SRGAP3: variants seen among roughly 807,000 people sequenced by gnomAD.
SRGAP3 encodes SLIT-ROBO Rho GTPase activating protein 3, also known as SLIT-ROBO Rho GTPase-activating protein 3.
In SRGAP3, 39 loss-of-function variants were observed where a neutral mutation model predicts 121.1. That is an observed-to-expected ratio of 0.32 (90% CI 0.25 to 0.42). The LOEUF (loss-of-function observed/expected upper bound fraction) is 0.42, where lower values mean the gene tolerates loss of function less well. Among genes scored for constraint, SRGAP3 ranks in the 10% least tolerant of loss-of-function variants. The probability of loss-of-function intolerance (pLI) is 1.00; values close to 1 mark genes in which losing one functional copy is unlikely to be tolerated. For missense variants in SRGAP3, 1,213 were observed against 1,470.6 expected, an observed-to-expected ratio of 0.82 and a Z score of 2.86; for synonymous variants, 601 against 570.0, an observed-to-expected ratio of 1.05 and a Z score of -0.77.
chr3:9,025,365 A>C, intron 13 of SRGAP3, 27 bp from the exon 14 acceptor site: 1 of 1,612,228 alleles, frequency 6.2e-7, no homozygotes, highest in Non-Finnish European at 8.5e-7. Flanking sequence ...CAGAAAAAGA[A>C]ATAGTAAATC....
intron 4 of SRGAP3, among the ~76,000 whole-genome samples, chr3:9,077,174 G>A (rs1377355920): frequency 7.4e-6 from 1 of 135,704 alleles, no homozygotes; most frequent in Non-Finnish European, 1.5e-5. Flanking sequence ...TTATCTCTCT[G>A]CCCAGATTCC....
chr3:9,268,445 G>A (rs879783086), intron 3 of SRGAP3, among the ~76,000 whole-genome samples: 19 of 152,012 alleles, frequency 1.2e-4, no homozygotes, highest in African/African-American at 3.1e-4. Context: ...TCTAAATTCC[G>A]ACTGAGAGGC....
intron 1 of SRGAP3, among the ~76,000 whole-genome samples, chr3:9,211,665 CT>C (rs1193329370): frequency 0.32 from 39,072 of 121,124 alleles, 5,001 homozygotes; most frequent in Middle Eastern, 0.4. Context: ...TCTTTCTTTT[CT>C]TTTTTTTTTT....
intron 19 of SRGAP3, chr3:8,993,939 C>A: frequency 4.4e-6 from 1 of 227,822 alleles, no homozygotes; most frequent in Non-Finnish European, 8.8e-6. Flanking sequence ...CCCTATTAAT[C>A]AGAAACAAGG....
chr3:9,273,029 G>C (rs780452489), intron 3 of SRGAP3, among the ~76,000 whole-genome samples: 5 of 152,158 alleles, frequency 3.3e-5, no homozygotes, highest in Non-Finnish European at 7.3e-5. Flanking sequence ...ACCAGGGACG[G>C]GTTTCACGGA....
At chr3:9,030,363 T>C (rs942139669) in intron 12 of SRGAP3, among the ~76,000 whole-genome samples, 2 of 152,206 alleles carry the variant, frequency 1.3e-5, no homozygotes, top group Non-Finnish European at 2.9e-5. Flanking sequence ...AGCCCCACTG[T>C]AGCATATTCC....
chr3:9,133,293 C>A (rs1949527424), intron 1 of SRGAP3, among the ~76,000 whole-genome samples: 2 of 152,002 alleles, frequency 1.3e-5, no homozygotes, highest in Non-Finnish European at 2.9e-5. Context: ...ACCAGCCTGG[C>A]CAACACAGCG....
intron 18 of SRGAP3, among the ~76,000 whole-genome samples, chr3:8,996,558 A>G (rs1375564054): frequency 2.6e-5 from 4 of 152,236 alleles, no homozygotes; most frequent in Admixed American, 2.0e-4. Context: ...TTGGGAGAGA[A>G]GGAAGGAGGG....
intron 4 of SRGAP3, among the ~76,000 whole-genome samples, chr3:9,076,665 A>G (rs1434469733): frequency 6.6e-6 from 1 of 152,142 alleles, no homozygotes; most frequent in Non-Finnish European, 1.5e-5. Flanking sequence ...GGAACACAGT[A>G]GCCCACTTTT....
chr3:8,993,535 G>T (rs182497905), intron 19 of SRGAP3, among the ~76,000 whole-genome samples: 1 of 152,302 alleles, frequency 6.6e-6, no homozygotes, highest in Non-Finnish European at 1.5e-5. Flanking sequence ...CAAGCTTGTT[G>T]GGGTGCCCTG....
intron 1 of SRGAP3, among the ~76,000 whole-genome samples, chr3:9,200,090 A>G (rs1384965375): frequency 6.6e-6 from 1 of 152,234 alleles, no homozygotes; most frequent in African/African-American, 2.4e-5. Flanking sequence ...GGCTGTATGC[A>G]AGGCATCGCC....
At chr3:9,139,961 C>T (rs1949791999) in intron 1 of SRGAP3, among the ~76,000 whole-genome samples, 1 of 152,140 alleles carries the variant, frequency 6.6e-6, no homozygotes, top group Non-Finnish European at 1.5e-5. Context: ...TGATCACCTA[C>T]TATGTCTGTG....
intron 1 of SRGAP3, 44 bp from the exon 2 acceptor site, chr3:9,124,961 C>CG (rs1560206843): frequency 1.9e-6 from 3 of 1,611,004 alleles, no homozygotes; most frequent in Non-Finnish European, 2.5e-6. Context: ...GTGGTGGGGA[C>CG]GGGGGCACTG....
chr3:9,179,781 A>T (rs1420361568), intron 1 of SRGAP3, among the ~76,000 whole-genome samples: 1 of 152,238 alleles, frequency 6.6e-6, no homozygotes, highest in Non-Finnish European at 1.5e-5. Context: ...CCAAGGTGCC[A>T]TGTTGGCCTT....
chr3:9,032,669 C>T lies in SRGAP3; in HGVS notation c.1520G>A (p.Ser507Asn), dbSNP rs201442763. Reference sequence around the variant, plus strand: ...AAGTACCTTAATGAATGCTTCCATACTGCCGTTAAAGAGTTTATGGCTATA... The same window carrying T: ...AAGTACCTTAATGAATGCTTCCATATTGCCGTTAAAGAGTTTATGGCTATA... ...SVYSHKLFNG[S>N]MEAFIKDSGQ... The change falls in exon 12 of 22, where the codon AGT becomes AAT. Residue 507 changes from serine (S) to asparagine (N), a missense_variant. Around this residue, in one of 2 missense-constraint regions of SRGAP3, gnomAD observed 793 missense variants for 1,032.9 expected, o/e 0.77. Transcript: ENST00000383836. 1 of 1,613,684 alleles carries T rather than the reference C, an allele frequency of 6.2e-7. No homozygotes were observed. The highest frequency in any genetic ancestry group is 2.2e-5 in the East Asian group (1 of 44,864).
At chr3:9,011,038 C>G (rs1943343583) in intron 17 of SRGAP3, among the ~76,000 whole-genome samples, 1 of 58,726 alleles carries the variant, frequency 1.7e-5, no homozygotes, top group Non-Finnish European at 4.0e-5. Context: ...ACATAATCAG[C>G]CAGTTTTTTT....
chr3:9,066,790 C>T (rs144232836), intron 4 of SRGAP3, among the ~76,000 whole-genome samples: 190 of 152,366 alleles, frequency 1.2e-3, no homozygotes, highest in Non-Finnish European at 2.2e-3. Flanking sequence ...TGAGCCACCA[C>T]GCCCAGGCTC....
intron 2 of SRGAP3, among the ~76,000 whole-genome samples, chr3:9,113,631 C>T (rs1287978712): frequency 6.6e-6 from 1 of 152,168 alleles, no homozygotes; most frequent in Non-Finnish European, 1.5e-5. Flanking sequence ...CCACCCAAAT[C>T]TCATCTTGAA....
At chr3:9,250,260 G>C (rs78744617), upstream of SRGAP3, among the ~76,000 whole-genome samples, 8,035 of 152,202 alleles carry the variant, frequency 0.053, 352 homozygotes, top group Admixed American at 0.13. Flanking sequence ...GCTTACTATA[G>C]GTCTAGCACC....
Sources: allele counts gnomAD v4.1 joint callset (sites outside exome capture counted in the v4.1 genomes callset), GRCh38; gene constraint gnomAD v4.1.1; regional missense constraint gnomAD v4.1.1; transcripts MANE v1.5; gene names NCBI Gene and HGNC (gene_info 2026-07-23, HGNC 2026-07-21).